FGF14: variants seen among roughly 807,000 people sequenced by gnomAD.
FGF14 encodes the protein fibroblast growth factor homologous factor 4.
Under a neutral mutation model 25.5 loss-of-function variants are expected in FGF14, and 5 were observed. The observed-to-expected ratio is 0.20, with a 90% CI of 0.10 to 0.41. The LOEUF (loss-of-function observed/expected upper bound fraction) is 0.41. Ranked by LOEUF, FGF14 falls within the 10% of genes least tolerant of loss-of-function variation. FGF14 has a pLI of 1.00. For synonymous variants in FGF14, 138 were observed against 118.3 expected, an observed-to-expected ratio of 1.17 and a Z score of -1.08; for missense variants, 222 against 320.1, an observed-to-expected ratio of 0.69 and a Z score of 2.34.
intron 3 of FGF14, among the ~76,000 whole-genome samples, chr13:101,733,585 C>T (rs900108083): frequency 8.8e-6 from 1 of 113,888 alleles, no homozygotes; most frequent in African/African-American, 3.7e-5. Flanking sequence ...CAGAACAAGA[C>T]TCCATCAAAA....
At chr13:102,198,286 T>C (rs1327244519) in intron 1 of FGF14, among the ~76,000 whole-genome samples, 1 of 152,316 alleles carries the variant, frequency 6.6e-6, no homozygotes, top group Non-Finnish European at 1.5e-5. Flanking sequence ...TTGTCCCAAC[T>C]GGAAAACGAA....
In FGF14 at chr13:101,713,633, G is replaced by A. The variant is rs1287099037; in HGVS notation, c.*9198C>T. 2 of 152,160 alleles carry A rather than the reference G, an allele frequency of 1.3e-5. No individual in the cohort carries two copies. Among genetic ancestry groups the A allele is most frequent in the Admixed American group, 1.3e-4 (2 of 15,280 alleles). 9.4% of individuals were successfully genotyped at this position (152,160 alleles called of 1,614,324 possible). The stretch of plus-strand genomic sequence containing the variant: ...TGTCATGGAAAGCTGTTTAGACTGA[G>A]AGAACTTCTGTCTTGGATACCATTC... On this transcript the variant is annotated 3_prime_UTR_variant, in exon 5 of 5. Coordinates refer to ENST00000376143, the MANE Select transcript of FGF14 (RefSeq NM_004115.4).
chr13:102,278,645 T>C (rs575799091), intron 1 of FGF14, among the ~76,000 whole-genome samples: 301 of 147,038 alleles, frequency 2.0e-3, no homozygotes, highest in African/African-American at 6.9e-3. Context: ...TATATATATA[T>C]ACATACACAC....
chr13:101,986,014 G>T (rs1214281909), intron 1 of FGF14, among the ~76,000 whole-genome samples: 1 of 152,124 alleles, frequency 6.6e-6, no homozygotes, highest in Non-Finnish European at 1.5e-5. Flanking sequence ...GAAGACAGAT[G>T]AAAATCCAAT....
rs1434851969 is a variant in FGF14, at chr13:102,070,323, CAAT to C, written c.209-195030_209-195028del. Among the ~76,000 whole-genome samples the C allele has an allele frequency of 5.3e-5, 8 of 152,286 alleles. No homozygotes were observed. The East Asian group carries it at 1.5e-3, about 29-fold the overall frequency. ...ATCAGAGAAATGCAAATCAAAACTA[CAAT>C]GAGATATCATCTCACTCTAGTTAAA... On this transcript the variant is annotated intron_variant, in intron 1 of 4. Transcript: ENST00000376131.
chr13:102,243,716 G>A (rs1594555679), intron 1 of FGF14, among the ~76,000 whole-genome samples: 1 of 148,214 alleles, frequency 6.7e-6, no homozygotes, highest in East Asian at 2.0e-4. Flanking sequence ...AAGAGAGTAT[G>A]ACAATCCACC....
intron 1 of FGF14, among the ~76,000 whole-genome samples, chr13:102,065,414 C>A (rs1312427668): frequency 6.6e-6 from 1 of 152,018 alleles, no homozygotes; most frequent in Admixed American, 6.5e-5. Flanking sequence ...TTTGAGTATA[C>A]AATGACACAG....
intron 1 of FGF14, among the ~76,000 whole-genome samples, chr13:101,880,993 T>C (rs778679037): frequency 1.3e-5 from 2 of 152,218 alleles, no homozygotes; most frequent in South Asian, 4.1e-4. Flanking sequence ...GCTTTTTAAC[T>C]ACTGTAGCTA....
At chr13:102,169,516 C>T (rs1471196557) in intron 1 of FGF14, among the ~76,000 whole-genome samples, 1 of 152,024 alleles carries the variant, frequency 6.6e-6, no homozygotes, top group African/African-American at 2.4e-5. Flanking sequence ...ATTATAATTC[C>T]CTAAGACATT....
At chr13:101,730,945 G>A (rs2035770153) in intron 3 of FGF14, among the ~76,000 whole-genome samples, 1 of 152,158 alleles carries the variant, frequency 6.6e-6, no homozygotes, top group Non-Finnish European at 1.5e-5. Flanking sequence ...AAAAACCTTA[G>A]ATCTTTAGAA....
chr13:102,218,600 C>T (rs141062290), intron 1 of FGF14, among the ~76,000 whole-genome samples: 14 of 151,304 alleles, frequency 9.3e-5, no homozygotes, highest in African/African-American at 3.2e-4. Flanking sequence ...TCATTGAATC[C>T]CATCATATTT....
chr13:102,400,045 C>T lies in FGF14; in HGVS notation c.208+1426G>A, dbSNP rs1164618451. On this transcript the variant is annotated intron_variant, in intron 1 of 4. Transcript: ENST00000376131. This position sits in a 1 kb window ranked among gnomAD's most constrained non-coding sequence, Gnocchi z 4.3. ...GTCTCAGCCTCCGCACCCACCGCCT[C>T]CGTCCCCGCCCACCCGCACCTCCTC... is the stretch of plus-strand genomic sequence containing the variant. Among the ~76,000 whole-genome samples the T allele has an allele frequency of 6.6e-6, 1 of 151,008 alleles. No homozygotes were observed. Among genetic ancestry groups the T allele is most frequent in the African/African-American group, 2.4e-5 (1 of 41,356 alleles).
At chr13:102,245,049 C>A (rs1307613673) in intron 1 of FGF14, among the ~76,000 whole-genome samples, 1 of 152,098 alleles carries the variant, frequency 6.6e-6, no homozygotes, top group African/African-American at 2.4e-5. Flanking sequence ...GGAATGCCTG[C>A]AGAGATATTT....
intron 3 of FGF14, among the ~76,000 whole-genome samples, chr13:101,731,991 A>G (rs558542256): frequency 1.4e-4 from 21 of 152,196 alleles, no homozygotes; most frequent in Non-Finnish European, 1.5e-4. Flanking sequence ...GTAAAATTTG[A>G]GGACTTTCCA....
At chr13:102,027,317 ATAAT>A (rs1448692325) in intron 1 of FGF14, among the ~76,000 whole-genome samples, 5 of 151,322 alleles carry the variant, frequency 3.3e-5, no homozygotes, top group Non-Finnish European at 7.4e-5. Flanking sequence ...ACTATATATT[ATAAT>A]TATTATAATT....
intron 1 of FGF14, among the ~76,000 whole-genome samples, chr13:102,130,863 G>A (rs910762945): frequency 2.6e-5 from 4 of 152,042 alleles, no homozygotes; most frequent in African/African-American, 9.7e-5. Context: ...TATACCCGAA[G>A]GCTATAATAA....
chr13:101,889,879 T>C (rs1197488386), intron 1 of FGF14, among the ~76,000 whole-genome samples: 1 of 152,226 alleles, frequency 6.6e-6, no homozygotes, highest in African/African-American at 2.4e-5. Flanking sequence ...TGCATTTTTA[T>C]CATATTCATC....
At chr13:102,327,765 G>A (rs890787277) in intron 1 of FGF14, among the ~76,000 whole-genome samples, 4 of 151,970 alleles carry the variant, frequency 2.6e-5, no homozygotes, top group African/African-American at 7.3e-5. Context: ...CTTGAGCCTG[G>A]GAGGTCGAGA....
intron 1 of FGF14, among the ~76,000 whole-genome samples, chr13:101,899,917 G>T (rs1462795716): frequency 6.6e-6 from 1 of 152,090 alleles, no homozygotes; most frequent in Non-Finnish European, 1.5e-5. Context: ...TAATGTAATT[G>T]TCATACAGAG....
Sources: allele counts gnomAD v4.1 joint callset (sites outside exome capture counted in the v4.1 genomes callset), GRCh38; gene constraint gnomAD v4.1.1; non-coding constraint Gnocchi (gnomAD v3.1); transcripts MANE v1.5; gene names NCBI Gene and HGNC (gene_info 2026-07-23, HGNC 2026-07-21).